Variants in DACH2 observed in about 807,000 individuals in gnomAD.
DACH2 encodes the protein dachshund family transcription factor 2.
A neutral mutation model predicts 35.8 loss-of-function variants in DACH2; 17 were observed. The observed-to-expected ratio is 0.48, with a 90% CI of 0.33 to 0.71. DACH2 has a LOEUF of 0.71. DACH2 is among the 30% of genes least tolerant of loss of function. DACH2 has a pLI of 0.02. For missense variants in DACH2, 469 were observed against 472.7 expected (o/e 0.99, Z 0.07); for synonymous variants, 195 against 177.3 (o/e 1.10, Z -0.79).
intron 1 of DACH2, among the ~76,000 whole-genome samples, chrX:86,297,170 T>G (rs888230893): frequency 3.7e-5 from 4 of 108,642 alleles, no homozygotes; most frequent in African/African-American, 1.3e-4. Flanking sequence ...ATTTTCAGAA[T>G]ATTATGGGGT....
chrX:86,556,393 C>G (rs1045029903), intron 3 of DACH2, among the ~76,000 whole-genome samples: 1 of 108,383 alleles, frequency 9.2e-6, no homozygotes, highest in Admixed American at 9.9e-5. Context: ...AACAGAGAAG[C>G]TCCTAGACGT....
At chrX:86,377,260 A>G (rs1435665873) in intron 2 of DACH2, among the ~76,000 whole-genome samples, 1 of 111,397 alleles carries the variant, frequency 9.0e-6, no homozygotes, top group African/African-American at 3.2e-5. Context: ...GCAGGGCAGC[A>G]CAGGCTATTA....
intron 5 of DACH2, among the ~76,000 whole-genome samples, chrX:86,709,342 A>G (rs7055084): frequency 0.23 from 25,048 of 110,843 alleles, 2,350 homozygotes; most frequent in Admixed American, 0.44. Flanking sequence ...CAGTGGAACA[A>G]TTGGGATATC....
At chrX:86,808,268 A>C (rs931438910) in intron 7 of DACH2, among the ~76,000 whole-genome samples, 6 of 112,184 alleles carry the variant, frequency 5.3e-5, no homozygotes, top group Non-Finnish European at 7.5e-5. Context: ...ATTCCAATAC[A>C]TGATTTATAA....
At chrX:86,736,224 A>C (rs1178103277) in intron 6 of DACH2, among the ~76,000 whole-genome samples, 1 of 111,465 alleles carries the variant, frequency 9.0e-6, no homozygotes, top group Non-Finnish European at 1.9e-5. Context: ...CATGGTTTGC[A>C]TGGTGAAAAA....
intron 2 of DACH2, among the ~76,000 whole-genome samples, chrX:86,491,477 G>A (rs759362176): frequency 1.1e-3 from 120 of 111,979 alleles, no homozygotes; most frequent in Admixed American, 2.3e-3. Flanking sequence ...GGAAGCAAAT[G>A]TTTTAGTGAC....
chrX:86,818,236 A>G (rs969723202), intron 11 of DACH2, among the ~76,000 whole-genome samples: 3 of 111,672 alleles, frequency 2.7e-5, no homozygotes, highest in African/African-American at 9.7e-5. Context: ...ATGAAAAACT[A>G]TAGTTAATGT....
intron 2 of DACH2, chrX:86,481,104 C>A (rs2037929202): frequency 8.9e-6 from 1 of 111,888 alleles, no homozygotes; most frequent in Admixed American, 9.5e-5. Flanking sequence ...ACAAGGCATG[C>A]ACATTCGTGG....
At chrX:86,745,037 T>C (rs904166557) in intron 7 of DACH2, among the ~76,000 whole-genome samples, 1 of 110,577 alleles carries the variant, frequency 9.0e-6, no homozygotes, top group Non-Finnish European at 1.9e-5. Flanking sequence ...ATGTTTTCAA[T>C]GGAAAACTCT....
At chrX:86,264,997 C>A (rs981225086) in intron 1 of DACH2, among the ~76,000 whole-genome samples, 16 of 111,035 alleles carry the variant, frequency 1.4e-4, no homozygotes, top group African/African-American at 4.9e-4. Context: ...CATCTCCAGT[C>A]CTAAAGATGC....
intron 1 of DACH2, among the ~76,000 whole-genome samples, chrX:86,294,315 A>T (rs952369794): frequency 9.1e-6 from 1 of 110,123 alleles, no homozygotes; most frequent in African/African-American, 3.3e-5. Flanking sequence ...TATTCTAGTT[A>T]TACATTCTTC....
At position 86,654,187 on chromosome X, in the gene DACH2, TAAAAAAAAAAAAAAAAAA is replaced by T. The variant is rs764775335; in HGVS notation, c.772+3030_772+3047del. On this transcript the variant is annotated intron_variant, in intron 4 of 11. Coordinates refer to ENST00000373125, the MANE Select transcript of DACH2 (RefSeq NM_053281.3). ...GGCCCTGTCTCCCAAACATTTTTAG[TAAAAAAAAAAAAAAAAAA>T]AAAAAAAAACGCAATTAAAGATGGT... Among the ~76,000 whole-genome samples the T allele has an allele frequency of 4.9e-4, 20 of 40,450 alleles. No individual in the cohort carries two copies. The East Asian group carries it at 0.013, about 27-fold the overall frequency. The allele number at this position is 40,450 out of a possible 115,157, so 35.1% of individuals were successfully genotyped here.
intron 2 of DACH2, among the ~76,000 whole-genome samples, chrX:86,439,159 T>C (rs2037118159): frequency 8.9e-6 from 1 of 112,351 alleles, no homozygotes; most frequent in Admixed American, 9.4e-5. Context: ...TGTTGGACAT[T>C]TTTTCATATA....
chrX:86,176,528 C>A (rs778576310), intron 1 of DACH2, among the ~76,000 whole-genome samples: 1 of 111,024 alleles, frequency 9.0e-6, no homozygotes, highest in African/African-American at 3.3e-5. Flanking sequence ...GTCAATGTAT[C>A]TAAAATTTTG....
intron 1 of DACH2, among the ~76,000 whole-genome samples, chrX:86,365,175 A>T (rs1424260848): frequency 9.8e-6 from 1 of 102,266 alleles, no homozygotes; most frequent in Admixed American, 1.1e-4. Flanking sequence ...CATATATTGT[A>T]CATTTTATTT....
chrX:86,341,601 G>A (rs2035413945), intron 1 of DACH2, among the ~76,000 whole-genome samples: 1 of 112,072 alleles, frequency 8.9e-6, no homozygotes, highest in Non-Finnish European at 1.9e-5. Context: ...TTTTTCTAAG[G>A]AATACATTTT....
rs576671965 is a variant in DACH2, at chrX:86,533,036, G to A, written c.640+18645G>A. Among the ~76,000 whole-genome samples the A allele has an allele frequency of 1.4e-4, 15 of 103,688 alleles. No individual in the cohort carries two copies. The South Asian group carries it at 5.9e-3, about 41-fold the overall frequency. 90.0% of individuals were successfully genotyped at this position (103,688 alleles called of 115,157 possible). ...GGACAATTTTTTAATAACTTACATT[G>A]TTTTATTTATTTATTTATTTTTTAA... On this transcript the variant is annotated intron_variant, in intron 3 of 11. Coordinates refer to ENST00000373125, the MANE Select transcript of DACH2 (RefSeq NM_053281.3).
intron 1 of DACH2, among the ~76,000 whole-genome samples, chrX:86,255,512 A>G (rs2033500236): frequency 1.8e-5 from 2 of 111,700 alleles, no homozygotes; most frequent in Admixed American, 9.5e-5. Context: ...TTTCTGGCCA[A>G]CTTGCTCTTA....
rs1473355106 is a variant in DACH2 at position 86,658,272 on chromosome X, G to T, written c.772+7105G>T. On this transcript the variant is annotated intron_variant, in intron 4 of 11. Coordinates refer to ENST00000373125, the MANE Select transcript of DACH2 (RefSeq NM_053281.3). ...GTATTTAGTTGAGATGTTTGAATGT[G>T]TGTGAAAAAGAGTTTTCCTGCTGGG... is the stretch of plus-strand genomic sequence containing the variant. Among the ~76,000 whole-genome samples the T allele has an allele frequency of 3.6e-5, 4 of 111,728 alleles. No individual in the cohort carries two copies. The Admixed American group carries it at 3.8e-4, about 11-fold the overall frequency.
Sources: gnomAD v4.1 joint callset for allele counts (sites outside exome capture counted in the v4.1 genomes callset) on GRCh38, gnomAD v4.1.1 for gene constraint, MANE v1.5 for transcripts, NCBI Gene and HGNC (gene_info 2026-07-23, HGNC 2026-07-21) for gene names.